The following WASHC4 variants were observed in gnomAD, a reference collection of about 807,000 sequenced individuals.
The protein encoded by WASHC4 is WASH complex subunit 7.
A neutral mutation model predicts 166.6 loss-of-function variants in WASHC4; 86 were observed. That is an observed-to-expected ratio of 0.52 (90% CI 0.43 to 0.62). WASHC4 has a LOEUF of 0.62. Ranked by LOEUF, WASHC4 falls within the 20% of genes least tolerant of loss-of-function variation. WASHC4 has a pLI of 0.00. For synonymous variants in WASHC4, 446 were observed against 451.6 expected (o/e 0.99, Z 0.16); for missense variants, 1,262 against 1,382.4 (o/e 0.91, Z 1.38).
At chr12:105,112,717 T>G (rs1356171256) in intron 2 of WASHC4, among the ~76,000 whole-genome samples, 1 of 152,180 alleles carries the variant, frequency 6.6e-6, no homozygotes, top group Non-Finnish European at 1.5e-5. Context: ...GAGAAATGTC[T>G]GTTCACATCC....
At chr12:105,130,670 A>G (rs1315640404) in intron 13 of WASHC4, among the ~76,000 whole-genome samples, 2 of 151,612 alleles carry the variant, frequency 1.3e-5, no homozygotes, top group Non-Finnish European at 2.9e-5. Flanking sequence ...TATGTAAGTG[A>G]GTAGGGAGCA....
intron 20 of WASHC4, among the ~76,000 whole-genome samples, chr12:105,143,582 CT>C (rs1190642950): frequency 6.6e-6 from 1 of 151,920 alleles, no homozygotes; most frequent in Admixed American, 6.6e-5. Context: ...TAATATTTTA[CT>C]GAATTTTATT....
At chr12:105,162,493 G>C (rs1884560000) in intron 29 of WASHC4, among the ~76,000 whole-genome samples, 1 of 152,060 alleles carries the variant, frequency 6.6e-6, no homozygotes, top group African/African-American at 2.4e-5. Flanking sequence ...ACTGTTCTTG[G>C]GCTAAGTAGT....
At chr12:105,107,978 T>C in intron 1 of WASHC4, 117 bp downstream of exon 1, 2 of 783,718 alleles carry the variant, frequency 2.6e-6, no homozygotes, top group Non-Finnish European at 4.3e-6. Context: ...TGCGGGACAC[T>C]TCAGAGCCCT....
chr12:105,114,178 C>T, intron 2 of WASHC4, 38 bp from the exon 3 acceptor site: 1 of 1,579,254 alleles, frequency 6.3e-7, no homozygotes. Flanking sequence ...AGTTATTTTT[C>T]AAATTAAAAG....
In WASHC4 at chr12:105,141,150, T is replaced by C. The variant is rs1188791099; in HGVS notation, c.1708-17T>C. ...TTTGACTGCAACTTCTCTGCCTTTT[T>C]TTCCTGTCCCTGATAGAAAACATTT... On this transcript the variant is annotated splice_polypyrimidine_tract_variant and intron_variant, in intron 17 of 32. Coordinates refer to ENST00000332180, the MANE Select transcript of WASHC4 (RefSeq NM_015275.3). 1.2e-6 allele frequency: 2 copies of C among 1,612,646 alleles called. No individual in the cohort carries two copies. Among genetic ancestry groups the C allele is most frequent in the South Asian group, 1.1e-5 (1 of 91,048 alleles).
intron 28 of WASHC4, among the ~76,000 whole-genome samples, chr12:105,158,597 G>C (rs1473238635): frequency 1.3e-5 from 2 of 152,164 alleles, no homozygotes; most frequent in Non-Finnish European, 2.9e-5. Context: ...ATAATCACAT[G>C]TAATGGGTGA....
chr12:105,133,982 A>G (rs1435521715), intron 14 of WASHC4, 86 bp downstream of exon 14: 2 of 1,301,988 alleles, frequency 1.5e-6, no homozygotes, highest in Non-Finnish European at 2.2e-6. Flanking sequence ...CAAAGGGTAG[A>G]GTATGTTTTT....
In WASHC4 at chr12:105,107,879, C is replaced by T. The variant is rs1394723796; in HGVS notation, c.61+18C>T. ...CTCGCAGAGTAAGGGAGCTGCAGGGCGAGGGCTGCGGGTGGACGCTCCTTC... is the reference window on the plus strand; with the variant it reads ...CTCGCAGAGTAAGGGAGCTGCAGGGTGAGGGCTGCGGGTGGACGCTCCTTC... On this transcript the variant is annotated intron_variant, in intron 1 of 32. Transcript: ENST00000332180. The T allele has an allele frequency of 6.5e-7, 1 of 1,537,720 alleles. No homozygotes were observed. Among genetic ancestry groups the T allele is most frequent in the Non-Finnish European group, 8.8e-7 (1 of 1,135,108 alleles).
intron 29 of WASHC4, among the ~76,000 whole-genome samples, chr12:105,161,135 C>T (rs550941184): frequency 6.6e-6 from 1 of 152,142 alleles, no homozygotes; most frequent in African/African-American, 2.4e-5. Flanking sequence ...AGATGAAGCT[C>T]TTTATTATAT....
intron 2 of WASHC4, among the ~76,000 whole-genome samples, chr12:105,112,475 T>G (rs1483158355): frequency 6.6e-6 from 1 of 152,216 alleles, no homozygotes; most frequent in African/African-American, 2.4e-5. Context: ...TAACTATGTT[T>G]AACTTTTTGA....
chr12:105,144,480 G>A (rs958120515), intron 21 of WASHC4, 25 bp downstream of exon 21: 56 of 1,571,822 alleles, frequency 3.6e-5, no homozygotes, highest in Non-Finnish European at 4.5e-5. Flanking sequence ...TTCCTTCTTA[G>A]AGTCATATTC....
intron 26 of WASHC4, among the ~76,000 whole-genome samples, chr12:105,153,818 A>T (rs905973052): frequency 2.0e-5 from 3 of 151,946 alleles, no homozygotes; most frequent in African/African-American, 7.3e-5. Flanking sequence ...TTTTTTTGAG[A>T]GTATAATTTT....
At chr12:105,131,382 G>A (rs896049848) in intron 13 of WASHC4, among the ~76,000 whole-genome samples, 22 of 152,136 alleles carry the variant, frequency 1.4e-4, no homozygotes, top group East Asian at 3.8e-4. Context: ...CACCGCGCCC[G>A]GCCTGTTTTT....
intron 13 of WASHC4, among the ~76,000 whole-genome samples, chr12:105,133,311 A>T (rs1367330609): frequency 6.6e-6 from 1 of 152,138 alleles, no homozygotes; most frequent in Non-Finnish European, 1.5e-5. Context: ...ATTTGCATGA[A>T]TTACTCATTC....
chr12:105,125,938 G>T, intron 10 of WASHC4, 66 bp from the exon 11 acceptor site: 1 of 1,461,168 alleles, frequency 6.8e-7, no homozygotes, highest in Non-Finnish European at 9.5e-7. Flanking sequence ...TTTAGTGTAT[G>T]ATATTTAAAT....
intron 1 of WASHC4, among the ~76,000 whole-genome samples, chr12:105,109,704 TGGCATCGCCA>T (rs911951559): frequency 1.4e-5 from 2 of 145,746 alleles, no homozygotes; most frequent in African/African-American, 5.1e-5. Flanking sequence ...CCCAGTGCCG[TGGCATCGCCA>T]CGGCTCACTG....
In WASHC4 at chr12:105,147,049, T is replaced by G. The variant is rs758041045; in HGVS notation, c.2417T>G (p.Ile806Ser). The G allele has an allele frequency of 6.3e-7, 1 of 1,596,502 alleles. No individual in the cohort carries two copies. Among genetic ancestry groups the G allele is most frequent in the Admixed American group, 1.7e-5 (1 of 59,990 alleles). The change falls in exon 24 of 33, where the codon ATT (isoleucine) becomes AGT (serine). Residue 806 changes from isoleucine to serine, a missense_variant. Ile to Ser is a moderately radical substitution (Grantham distance 142, BLOSUM62 -2). Transcript: ENST00000332180. ...AAATTTGTTTCATTGCAGATTTTTA[T>G]TGAACGAACAAGCAATAACAAGCAT... ...YLYNLNNQIF[I>S]ERTSNNKHLN...
rs200977294 is a variant in WASHC4 at position 105,152,454 on chromosome 12, A to G, written c.2758+3A>G. On this transcript the variant is annotated splice_donor_region_variant and intron_variant, in intron 26 of 32. Transcript: ENST00000332180. ...CAGGCAACTCATCAGCCAGATTGGT[A>G]AGTTATGATAAAAGTGTTGGGAAAT... The G allele has an allele frequency of 6.2e-4, 923 of 1,484,870 alleles. 7 individuals carry two copies. Among genetic ancestry groups the G allele is most frequent in the Middle Eastern group, 3.4e-4 (2 of 5,808 alleles). 92.0% of individuals were successfully genotyped at this position (1,484,870 alleles called of 1,614,324 possible).
Sources: allele counts gnomAD v4.1 joint callset (sites outside exome capture counted in the v4.1 genomes callset), GRCh38; gene constraint gnomAD v4.1.1; transcripts MANE v1.5; gene names NCBI Gene and HGNC (gene_info 2026-07-23, HGNC 2026-07-21).